Variants in IMMP2L observed in about 807,000 individuals in gnomAD.
IMMP2L encodes inner mitochondrial membrane peptidase subunit 2, also known as mitochondrial inner membrane protease subunit 2.
Under a neutral mutation model 19.3 loss-of-function variants are expected in IMMP2L, and 18 were observed. That is an observed-to-expected ratio of 0.93 (90% confidence interval 0.64 to 1.38). The LOEUF is 1.38. IMMP2L is among the 40% of genes most tolerant of loss of function. The probability of loss-of-function intolerance (pLI) is 0.00; values close to 1 mark genes in which losing one functional copy is unlikely to be tolerated. For synonymous variants in IMMP2L, 76 were observed against 73.0 expected (o/e 1.04, Z -0.21); for missense variants, 233 against 218.2 (o/e 1.07, Z -0.43).
chr7:110,775,272 T>TGTGTGTGTGC (rs1477661999), intron 5 of IMMP2L, among the ~76,000 whole-genome samples: 2 of 150,902 alleles, frequency 1.3e-5, no homozygotes, highest in Non-Finnish European at 1.5e-5. Flanking sequence ...TGTGTGTGTG[T>TGTGTGTGTGC]GTGTGTGTGG....
intron 3 of IMMP2L, among the ~76,000 whole-genome samples, chr7:111,285,650 C>A (rs1192229123): frequency 6.6e-6 from 1 of 152,100 alleles, no homozygotes; most frequent in Non-Finnish European, 1.5e-5. Context: ...TCCTCTAGAC[C>A]CTCACCAATC....
chr7:110,890,278 T>C (rs258979), intron 4 of IMMP2L, among the ~76,000 whole-genome samples: 88,546 of 151,882 alleles, frequency 0.58, 26,999 homozygotes, highest in East Asian at 0.84. Context: ...AGTGAAAGTA[T>C]ACTCTATTTG....
At chr7:111,188,135 C>T (rs747906698) in intron 3 of IMMP2L, among the ~76,000 whole-genome samples, 8 of 152,074 alleles carry the variant, frequency 5.3e-5, no homozygotes, top group South Asian at 2.1e-4. Flanking sequence ...GCTCCCTCCA[C>T]GGCTTGTGAC....
intron 2 of IMMP2L, among the ~76,000 whole-genome samples, chr7:111,506,229 T>A (rs1485085128): frequency 2.0e-5 from 3 of 150,556 alleles, no homozygotes; most frequent in African/African-American, 7.3e-5. Flanking sequence ...AATATAAAAA[T>A]AAATAATAAA....
intron 3 of IMMP2L, among the ~76,000 whole-genome samples, chr7:111,435,367 T>C (rs1444287184): frequency 6.6e-6 from 1 of 151,844 alleles, no homozygotes. Context: ...AAGAATGAAA[T>C]AATGTCCTTG....
intron 3 of IMMP2L, among the ~76,000 whole-genome samples, chr7:111,468,529 A>C (rs1167121022): frequency 6.6e-6 from 1 of 152,118 alleles, no homozygotes; most frequent in Non-Finnish European, 1.5e-5. Context: ...AGGAGAGAGA[A>C]CTATAAAAGA....
At chr7:111,519,488 T>TCCTA (rs1241102546) in intron 2 of IMMP2L, among the ~76,000 whole-genome samples, 1 of 152,220 alleles carries the variant, frequency 6.6e-6, no homozygotes, top group East Asian at 1.9e-4. Context: ...CTGCAAGAAA[T>TCCTA]CCTAATACCT....
In IMMP2L at chr7:111,450,507, T is replaced by C. The variant is rs901057645; in HGVS notation, c.239+36731A>G. On this transcript the variant is annotated intron_variant, in intron 3 of 5. Transcript: ENST00000405709. ...GTGCTGGGAAAACTGGCTAGCCATA[T>C]GTAGAAAGCTGAAACTGGATCCCTT... Among the ~76,000 whole-genome samples the C allele has an allele frequency of 2.0e-3, 301 of 151,658 alleles. 1 individual carries two copies. The highest frequency in any genetic ancestry group is 6.2e-3 in the African/African-American group (255 of 41,266).
At chr7:111,229,299 T>C (rs1227512622) in intron 3 of IMMP2L, among the ~76,000 whole-genome samples, 1 of 152,078 alleles carries the variant, frequency 6.6e-6, no homozygotes, top group African/African-American at 2.4e-5. Context: ...TAATGTATCC[T>C]GACCATGAAA....
chr7:111,413,456 A>C (rs1416755260), intron 3 of IMMP2L, among the ~76,000 whole-genome samples: 1 of 152,144 alleles, frequency 6.6e-6, no homozygotes, highest in Non-Finnish European at 1.5e-5. Context: ...AAAGATCTTT[A>C]ACAAAATATT....
intron 3 of IMMP2L, among the ~76,000 whole-genome samples, chr7:111,344,206 C>G (rs1000992537): frequency 9.2e-5 from 14 of 152,098 alleles, no homozygotes; most frequent in African/African-American, 3.1e-4. Context: ...TTTCTACTGA[C>G]CTCTCCAAAC....
chr7:111,544,894 A>AAT (rs1444650715), intron 1 of IMMP2L, among the ~76,000 whole-genome samples: 1 of 152,092 alleles, frequency 6.6e-6, no homozygotes, highest in African/African-American at 2.4e-5. Flanking sequence ...GATCCCTGAG[A>AAT]ATGGTTTATA....
At chr7:111,007,662 CATAT>C (rs767198223) in intron 3 of IMMP2L, among the ~76,000 whole-genome samples, 2 of 151,956 alleles carry the variant, frequency 1.3e-5, no homozygotes, top group African/African-American at 4.8e-5. Flanking sequence ...CGTATGTACA[CATAT>C]AGACATGTAT....
intron 3 of IMMP2L, among the ~76,000 whole-genome samples, chr7:111,390,111 T>C (rs1229081237): frequency 1.3e-5 from 2 of 152,146 alleles, no homozygotes; most frequent in African/African-American, 2.4e-5. Context: ...GGCCCATATA[T>C]GGGCAGTGCA....
At chr7:111,016,324 C>A (rs1166128173) in intron 3 of IMMP2L, among the ~76,000 whole-genome samples, 1 of 142,294 alleles carries the variant, frequency 7.0e-6, no homozygotes, top group Non-Finnish European at 1.5e-5. Context: ...GAAAAAAAGT[C>A]CAGTAATTAT....
At chr7:111,529,365 C>T (rs563134902) in intron 1 of IMMP2L, among the ~76,000 whole-genome samples, 1 of 152,250 alleles carries the variant, frequency 6.6e-6, no homozygotes, top group Middle Eastern at 3.4e-3. Flanking sequence ...GGAAGCAGAT[C>T]CTGGCAAGTA....
At chr7:110,818,233 C>T (rs1351077461) in intron 5 of IMMP2L, among the ~76,000 whole-genome samples, 1 of 152,022 alleles carries the variant, frequency 6.6e-6, no homozygotes, top group Non-Finnish European at 1.5e-5. Flanking sequence ...GGGCTAATAT[C>T]CAGAATCTAC....
chr7:110,767,770 C>G (rs1390429593), intron 5 of IMMP2L, among the ~76,000 whole-genome samples: 1 of 152,170 alleles, frequency 6.6e-6, no homozygotes, highest in Non-Finnish European at 1.5e-5. Flanking sequence ...CCTACTAAAT[C>G]TATGCTTCAT....
chr7:111,083,510 G>A (rs375573247), intron 3 of IMMP2L, among the ~76,000 whole-genome samples: 39 of 152,112 alleles, frequency 2.6e-4, no homozygotes, highest in Non-Finnish European at 5.1e-4. Context: ...TATAAAACCC[G>A]CAAAGGAGAG....
Sources: gnomAD v4.1 joint callset for allele counts (sites outside exome capture counted in the v4.1 genomes callset) on GRCh38, gnomAD v4.1.1 for gene constraint, MANE v1.5 for transcripts, NCBI Gene and HGNC (gene_info 2026-07-23, HGNC 2026-07-21) for gene names.